The following ANKRD33B variants were observed in gnomAD, a reference collection of about 807,000 sequenced individuals.
ANKRD33B encodes ankyrin repeat domain 33B.
Under a neutral mutation model 21.5 loss-of-function variants are expected in ANKRD33B, and 6 were observed. That is an observed-to-expected ratio of 0.28 (90% CI 0.15 to 0.55). The LOEUF (loss-of-function observed/expected upper bound fraction) is 0.55. ANKRD33B is among the 20% of genes least tolerant of loss of function. The pLI is 0.94. For synonymous variants in ANKRD33B, 347 were observed against 342.4 expected (o/e 1.01, Z -0.15); for missense variants, 698 against 747.2 (o/e 0.93, Z 0.77).
chr5:10,631,879 C>G (rs1414171465), intron 2 of ANKRD33B, among the ~76,000 whole-genome samples: 1 of 152,222 alleles, frequency 6.6e-6, no homozygotes, highest in Non-Finnish European at 1.5e-5. Context: ...GCCAGTGTCT[C>G]TCATGAGGAC....
chr5:10,626,699 C>T (rs907702544), intron 2 of ANKRD33B, among the ~76,000 whole-genome samples: 6 of 152,200 alleles, frequency 3.9e-5, no homozygotes, highest in Non-Finnish European at 7.3e-5. Flanking sequence ...CACGGCTTCA[C>T]GTTGCAACAC....
chr5:10,623,730 G>A (rs1196165009), intron 2 of ANKRD33B, among the ~76,000 whole-genome samples: 1 of 152,230 alleles, frequency 6.6e-6, no homozygotes, highest in Non-Finnish European at 1.5e-5. Flanking sequence ...TCCAAGTCAG[G>A]TAGCAGGATC....
At chr5:10,625,843 C>T (rs115037044) in intron 2 of ANKRD33B, among the ~76,000 whole-genome samples, 3,598 of 152,156 alleles carry the variant, frequency 0.024, 61 homozygotes, top group Non-Finnish European at 0.039. Context: ...CTGAGGACAG[C>T]GTGTTAGGAT....
chr5:10,641,231 T>C (rs867060019), intron 3 of ANKRD33B, among the ~76,000 whole-genome samples: 8 of 93,096 alleles, frequency 8.6e-5, no homozygotes, highest in South Asian at 4.3e-4. Flanking sequence ...TCTTCTTTTT[T>C]TTTTTTTTTT....
At chr5:10,588,191 A>G (rs1394760062) in intron 1 of ANKRD33B, among the ~76,000 whole-genome samples, 1 of 152,252 alleles carries the variant, frequency 6.6e-6, no homozygotes, top group East Asian at 1.9e-4. Context: ...GTGACTGCGA[A>G]TTCATGATCT....
intron 1 of ANKRD33B, among the ~76,000 whole-genome samples, chr5:10,603,951 A>G (rs987628217): frequency 6.0e-5 from 9 of 150,734 alleles, no homozygotes; most frequent in Non-Finnish European, 1.2e-4. Context: ...CTGGAGTGCA[A>G]TGGTGCAATC....
At chr5:10,600,254 A>T (rs952227965) in intron 1 of ANKRD33B, among the ~76,000 whole-genome samples, 3 of 152,246 alleles carry the variant, frequency 2.0e-5, no homozygotes, top group Admixed American at 2.0e-4. Flanking sequence ...ATTTTCACAA[A>T]TGAATATGCA....
rs1017829187 is a variant in ANKRD33B, at chr5:10,657,512, CAT to C, written c.*7401_*7402del. 4.6e-5 allele frequency: 7 copies of C among 152,250 alleles called. No individual in the cohort carries two copies. The highest frequency in any genetic ancestry group is 1.7e-4 in the African/African-American group (7 of 41,400). The allele number at this position is 152,250 out of a possible 1,614,324, so 9.4% of individuals were successfully genotyped here. ...AGTACAGATATAACTGTGTAAATTTCATAGTGTTTTATTTTGAGGTGAGAGTT... is the reference window on the plus strand; with the variant it reads ...AGTACAGATATAACTGTGTAAATTTCAGTGTTTTATTTTGAGGTGAGAGTT... On this transcript the variant is annotated 3_prime_UTR_variant, in exon 4 of 4. Coordinates refer to ENST00000296657, the MANE Select transcript of ANKRD33B (RefSeq NM_001164440.2).
At chr5:10,613,197 A>G (rs901591344) in intron 1 of ANKRD33B, among the ~76,000 whole-genome samples, 1 of 151,984 alleles carries the variant, frequency 6.6e-6, no homozygotes, top group Non-Finnish European at 1.5e-5. Flanking sequence ...GGCCTCACGC[A>G]GCATCCGGCC....
intron 3 of ANKRD33B, among the ~76,000 whole-genome samples, chr5:10,648,683 C>T (rs533401606): frequency 7.9e-5 from 12 of 152,060 alleles, no homozygotes; most frequent in East Asian, 1.9e-4. Flanking sequence ...CGCTTGAACC[C>T]GGGAGGCAGA....
At chr5:10,620,366 A>G (rs939818962) in intron 2 of ANKRD33B, among the ~76,000 whole-genome samples, 2 of 152,170 alleles carry the variant, frequency 1.3e-5, no homozygotes, top group East Asian at 1.9e-4. Context: ...GCTGGCTATC[A>G]TGACTTTGAA....
intron 1 of ANKRD33B, among the ~76,000 whole-genome samples, chr5:10,569,169 G>C (rs1373393436): frequency 6.6e-6 from 1 of 152,158 alleles, no homozygotes; most frequent in Non-Finnish European, 1.5e-5. Context: ...CATGGCCTGC[G>C]TGTGCACAGC....
intron 1 of ANKRD33B, among the ~76,000 whole-genome samples, chr5:10,572,828 A>C (rs1735227944): frequency 6.6e-6 from 1 of 152,170 alleles, no homozygotes; most frequent in Admixed American, 6.5e-5. Context: ...TCCCAGCTGG[A>C]ATGTCCCTTG....
At position 10,651,707 on chromosome 5, in the gene ANKRD33B, C is replaced by T. The variant is rs1474611888; in HGVS notation, c.*1594C>T. The T allele has an allele frequency of 6.6e-6, 1 of 152,336 alleles. No homozygotes were observed. Among genetic ancestry groups the T allele is most frequent in the East Asian group, 1.9e-4 (1 of 5,330 alleles). The allele number at this position is 152,336 out of a possible 1,614,324, so 9.4% of individuals were successfully genotyped here. ...TAATAACCCTAGATACATCATGATACATGGTGTCTGTCTCAGGATGCAGGC... is the reference window on the plus strand; with the variant it reads ...TAATAACCCTAGATACATCATGATATATGGTGTCTGTCTCAGGATGCAGGC... On this transcript the variant is annotated 3_prime_UTR_variant, in exon 4 of 4. Transcript: ENST00000296657.
In ANKRD33B at chr5:10,576,672, T is replaced by C. The variant is rs1404129774; in HGVS notation, c.366+11839T>C. Reference sequence around the variant, plus strand: ...GACACTCAGTAAACAGAGCTGTTGTTTCTATGGGCGAATGAATCTCCAGAT... The same window carrying C: ...GACACTCAGTAAACAGAGCTGTTGTCTCTATGGGCGAATGAATCTCCAGAT... On this transcript the variant is annotated intron_variant, in intron 1 of 3. Coordinates refer to ENST00000296657, the MANE Select transcript of ANKRD33B (RefSeq NM_001164440.2). This position sits in a 1 kb window ranked among gnomAD's most constrained non-coding sequence, Gnocchi z 4.1. Among the ~76,000 whole-genome samples the C allele has an allele frequency of 6.6e-6, 1 of 152,252 alleles. No individual in the cohort carries two copies. Among genetic ancestry groups the C allele is most frequent in the Non-Finnish European group, 1.5e-5 (1 of 68,032 alleles).
intron 1 of ANKRD33B, among the ~76,000 whole-genome samples, chr5:10,616,187 T>A (rs1041649249): frequency 6.6e-6 from 1 of 152,184 alleles, no homozygotes; most frequent in Non-Finnish European, 1.5e-5. Context: ...GATTTAATAT[T>A]CTTCTGTGGG....
At chr5:10,609,621 A>G (rs1258899408) in intron 1 of ANKRD33B, among the ~76,000 whole-genome samples, 1 of 152,028 alleles carries the variant, frequency 6.6e-6, no homozygotes, top group Non-Finnish European at 1.5e-5. Context: ...TAAAGAATTC[A>G]AACTGGGCTA....
chr5:10,575,649 T>C (rs1306253652), intron 1 of ANKRD33B, among the ~76,000 whole-genome samples: 2 of 152,100 alleles, frequency 1.3e-5, no homozygotes, highest in African/African-American at 2.4e-5. Flanking sequence ...TTCAAGCACT[T>C]CTAGGCCACT....
rs945214303 is a variant in ANKRD33B at position 10,564,294 on chromosome 5, G to C, written c.-174G>C. On this transcript the variant is annotated 5_prime_UTR_variant, in exon 1 of 4. Transcript: ENST00000296657. ...CACCCCAGGGGCTCGCTCAGCCTCC[G>C]GAGACTTTTTTCTTTGAGCGCAGCC... is the stretch of plus-strand genomic sequence containing the variant. 1.4e-5 allele frequency: 4 copies of C among 295,252 alleles called. No individual in the cohort carries two copies. Among genetic ancestry groups the C allele is most frequent in the Non-Finnish European group, 2.0e-5 (4 of 197,304 alleles). 18.3% of individuals were successfully genotyped at this position (295,252 alleles called of 1,614,324 possible).
Sources: gnomAD v4.1 joint callset for allele counts (sites outside exome capture counted in the v4.1 genomes callset) on GRCh38, gnomAD v4.1.1 for gene constraint, Gnocchi (gnomAD v3.1) non-coding constraint, MANE v1.5 for transcripts, NCBI Gene and HGNC (gene_info 2026-07-23, HGNC 2026-07-21) for gene names.